The following TKTL1 variants were observed in gnomAD, a reference collection of about 807,000 sequenced individuals.
The protein encoded by TKTL1 is transketolase-like protein 1.
Under a neutral mutation model 39.3 loss-of-function variants are expected in TKTL1, and 1 was observed. That is an observed-to-expected ratio of 0.03 (90% CI 0.01 to 0.12). The LOEUF is 0.12. Ranked by LOEUF, TKTL1 falls within the 10% of genes least tolerant of loss-of-function variation. TKTL1 has a pLI of 1.00. For missense variants in TKTL1, 575 were observed against 509.6 expected, an observed-to-expected ratio of 1.13 and a Z score of -1.24; for synonymous variants, 262 against 193.8, an observed-to-expected ratio of 1.35 and a Z score of -2.92.
At chrX:154,313,964 A>T (rs1053822625) in intron 6 of TKTL1, among the ~76,000 whole-genome samples, 2 of 110,642 alleles carry the variant, frequency 1.8e-5, no homozygotes, top group Non-Finnish European at 3.8e-5. Context: ...AGAAAACTAT[A>T]TAACTCCATA....
chrX:154,302,704 T>C (rs1161056251), intron 1 of TKTL1, among the ~76,000 whole-genome samples: 1 of 111,628 alleles, frequency 9.0e-6, no homozygotes, highest in African/African-American at 3.3e-5. Flanking sequence ...AAATAGGGTT[T>C]TGTAGGTGAA....
intron 8 of TKTL1, 112 bp from the exon 9 acceptor site, chrX:154,323,095 C>T (rs1416896180): frequency 7.1e-6 from 7 of 986,246 alleles, no homozygotes; most frequent in African/African-American, 3.9e-5. Flanking sequence ...TGCTACAGCT[C>T]GGGACACCCC....
At chrX:154,320,410 A>G (rs782457831) in intron 7 of TKTL1, 39 of 252,827 alleles carry the variant, frequency 1.5e-4, no homozygotes, top group Middle Eastern at 1.2e-3. Context: ...GTAGCACAAG[A>G]GGGGAGGAGG....
chrX:154,323,487 A>G (rs782102882), intron 9 of TKTL1, 150 bp downstream of exon 9: 23 of 661,360 alleles, frequency 3.5e-5, no homozygotes, highest in Non-Finnish European at 4.9e-5. Context: ...AAAACAGGAG[A>G]TTATGCACAC....
In TKTL1 at chrX:154,312,762, G is replaced by A. The variant is rs781838385; in HGVS notation, c.853G>A (p.Val285Ile). 8.3e-7 allele frequency: 1 copy of A among 1,203,264 alleles called. No individual in the cohort carries two copies. The highest frequency in any genetic ancestry group is 1.1e-6 in the Non-Finnish European group (1 of 890,925). Residue 285 changes from valine to isoleucine, a missense_variant, in exon 6 of 13, where the codon GTT becomes ATT. Val to Ile is a conservative substitution (Grantham distance 29, BLOSUM62 3). Coordinates refer to ENST00000369915, the MANE Select transcript of TKTL1 (RefSeq NM_012253.4). ...GATGACCTCTCCACCTGATTACAGAGTTGGTGACAAGGTAGGCAGAAAGGT... is the reference window on the plus strand; with the variant it reads ...GATGACCTCTCCACCTGATTACAGAATTGGTGACAAGGTAGGCAGAAAGGT... ...VRMTSPPDYR[V>I]GDKIATRKAC...
chrX:154,308,385 G>T (rs781991505), intron 2 of TKTL1, among the ~76,000 whole-genome samples: 1 of 112,192 alleles, frequency 8.9e-6, no homozygotes, highest in Non-Finnish European at 1.9e-5. Flanking sequence ...AGCAGTGGAA[G>T]GGAGAAATGG....
chrX:154,307,398 C>T (rs1484092217), intron 2 of TKTL1, among the ~76,000 whole-genome samples: 2 of 111,792 alleles, frequency 1.8e-5, no homozygotes, highest in Non-Finnish European at 3.8e-5. Context: ...ACACATGAAG[C>T]ATAGTCCATT....
At chrX:154,305,545 C>T in intron 2 of TKTL1, 124 bp downstream of exon 2, 2 of 873,835 alleles carry the variant, frequency 2.3e-6, no homozygotes, top group Non-Finnish European at 1.6e-6. Flanking sequence ...TCTTTCTTTG[C>T]ATCTTAAAGC....
chrX:154,304,586 G>A (rs1276699888), intron 1 of TKTL1, among the ~76,000 whole-genome samples: 4 of 109,068 alleles, frequency 3.7e-5, no homozygotes, highest in Non-Finnish European at 7.7e-5. Context: ...ACAGAGTGAG[G>A]GCCCATCCCT....
At chrX:154,304,150 A>G (rs1463996293) in intron 1 of TKTL1, among the ~76,000 whole-genome samples, 6 of 110,706 alleles carry the variant, frequency 5.4e-5, no homozygotes, top group Admixed American at 9.6e-5. Context: ...TCCCTTCTCC[A>G]CTGAAGCCTG....
In TKTL1 at chrX:154,315,173, A is replaced by G. The variant is rs1557169092; in HGVS notation, c.865A>G (p.Ile289Val). The G allele has an allele frequency of 8.3e-7, 1 of 1,209,320 alleles. No individual in the cohort carries two copies. The highest frequency in any genetic ancestry group is 3.0e-5 in the East Asian group (1 of 33,825). Residue 289 changes from isoleucine (I) to valine (V), a missense_variant and splice_region_variant, in exon 7 of 13, where the codon ATA becomes GTA. Physicochemically the swap from Ile to Val is conservative, Grantham distance 29. Coordinates refer to ENST00000369915, the MANE Select transcript of TKTL1 (RefSeq NM_012253.4). ...SPPDYRVGDK[I>V]ATRKACGLAL... The stretch of plus-strand genomic sequence containing the variant: ...CCACCTGATTGTCTCTGTCTTCTAG[A>G]TAGCTACTCGGAAAGCATGCGGTCT...
chrX:154,322,799 T>G (rs1228735678), intron 8 of TKTL1, among the ~76,000 whole-genome samples: 1 of 111,714 alleles, frequency 9.0e-6, no homozygotes, highest in Non-Finnish European at 1.9e-5. Context: ...ACCACTTTGG[T>G]ATGCAAAACC....
chrX:154,327,195 G>A (rs369705147), intron 10 of TKTL1: 52 of 288,133 alleles, frequency 1.8e-4, no homozygotes, highest in South Asian at 1.6e-3. Context: ...GCTGCAGAAC[G>A]GTTGTGCCAC....
chrX:154,305,895 C>T (rs1401043568), intron 2 of TKTL1, among the ~76,000 whole-genome samples: 2 of 111,620 alleles, frequency 1.8e-5, no homozygotes, highest in African/African-American at 3.3e-5. Flanking sequence ...ATACCAGCCA[C>T]TTCATGAAGT....
chrX:154,299,335 A>G (rs2067255580), intron 1 of TKTL1, among the ~76,000 whole-genome samples: 1 of 107,236 alleles, frequency 9.3e-6, no homozygotes, highest in South Asian at 4.1e-4. Context: ...TTGTGTTTTT[A>G]GTAGAGACGG....
chrX:154,318,517 G>GT (rs1428525988), intron 7 of TKTL1, among the ~76,000 whole-genome samples: 1 of 105,145 alleles, frequency 9.5e-6, no homozygotes, highest in Non-Finnish European at 1.9e-5. Flanking sequence ...GGCTAACATG[G>GT]TGAAACCCCT....
intron 1 of TKTL1, 25 bp downstream of exon 1, chrX:154,296,018 G>T: frequency 3.3e-6 from 4 of 1,206,519 alleles, no homozygotes; most frequent in Non-Finnish European, 4.5e-6. Context: ...TTGAAGTCTG[G>T]GTCATGCAGG....
At chrX:154,297,943 TTG>T (rs2067243671) in intron 1 of TKTL1, among the ~76,000 whole-genome samples, 1 of 111,558 alleles carries the variant, frequency 9.0e-6, no homozygotes, top group Non-Finnish European at 1.9e-5. Flanking sequence ...AAGAAGACTG[TTG>T]TTAATTTTTC....
chrX:154,296,045 C>A, intron 1 of TKTL1, 52 bp downstream of exon 1: 1 of 1,189,054 alleles, frequency 8.4e-7, no homozygotes, highest in Non-Finnish European at 1.1e-6. Flanking sequence ...GGCCCGGTGG[C>A]TTCAGGCCTG....
Sources: gnomAD v4.1 joint callset for allele counts (sites outside exome capture counted in the v4.1 genomes callset) on GRCh38, gnomAD v4.1.1 for gene constraint, MANE v1.5 for transcripts, NCBI Gene and HGNC (gene_info 2026-07-23, HGNC 2026-07-21) for gene names.